NEGR1: variants seen among roughly 807,000 people sequenced by gnomAD.
The protein encoded by NEGR1 is IgLON family member 4.
Under a neutral mutation model 40.9 loss-of-function variants are expected in NEGR1, and 10 were observed. The observed-to-expected ratio is 0.24, with a 90% CI of 0.15 to 0.42. The LOEUF (loss-of-function observed/expected upper bound fraction) is 0.42. Ranked by LOEUF, NEGR1 falls within the 10% of genes least tolerant of loss-of-function variation. The probability of loss-of-function intolerance (pLI) is 1.00; values close to 1 mark genes in which losing one functional copy is unlikely to be tolerated. For missense variants in NEGR1, 352 were observed against 438.9 expected, an observed-to-expected ratio of 0.80 and a Z score of 1.77; for synonymous variants, 185 against 166.8, an observed-to-expected ratio of 1.11 and a Z score of -0.84.
At chr1:71,867,883 A>G (rs1333314045) in intron 2 of NEGR1, among the ~76,000 whole-genome samples, 1 of 152,140 alleles carries the variant, frequency 6.6e-6, no homozygotes, top group African/African-American at 2.4e-5. Flanking sequence ...TTCAAATTTA[A>G]TTTTATTATT....
intron 4 of NEGR1, among the ~76,000 whole-genome samples, chr1:71,677,179 A>T (rs1652669601): frequency 6.6e-6 from 1 of 152,278 alleles, no homozygotes; most frequent in East Asian, 1.9e-4. Flanking sequence ...ATTCTGCCAC[A>T]CATGTTCACA....
chr1:71,782,806 T>C (rs917082814), intron 2 of NEGR1, among the ~76,000 whole-genome samples: 1 of 152,206 alleles, frequency 6.6e-6, no homozygotes, highest in African/African-American at 2.4e-5. Flanking sequence ...TTTCATGGAT[T>C]CTCTGAGTTT....
chr1:72,157,465 T>C (rs1651402396), intron 1 of NEGR1, among the ~76,000 whole-genome samples: 1 of 152,220 alleles, frequency 6.6e-6, no homozygotes, highest in South Asian at 2.1e-4. Context: ...TTCCAGATTC[T>C]GCATTTTGTA....
intron 2 of NEGR1, among the ~76,000 whole-genome samples, chr1:71,907,113 G>C (rs994608799): frequency 6.6e-6 from 1 of 152,118 alleles, no homozygotes; most frequent in African/African-American, 2.4e-5. Context: ...AGCAAAGAGT[G>C]ATTATCAATG....
intron 1 of NEGR1, among the ~76,000 whole-genome samples, chr1:71,941,982 T>A (rs1645963379): frequency 6.6e-6 from 1 of 151,886 alleles, no homozygotes; most frequent in Non-Finnish European, 1.5e-5. Flanking sequence ...TTACACTAAA[T>A]CTTCAGGCCT....
intron 4 of NEGR1, among the ~76,000 whole-genome samples, chr1:71,667,443 T>G (rs924571269): frequency 1.3e-5 from 2 of 152,144 alleles, no homozygotes; most frequent in African/African-American, 4.8e-5. Flanking sequence ...AAAATCAGTG[T>G]TGCAATCTGG....
intron 4 of NEGR1, among the ~76,000 whole-genome samples, chr1:71,670,221 C>A (rs1238641179): frequency 6.6e-6 from 1 of 152,046 alleles, no homozygotes; most frequent in Non-Finnish European, 1.5e-5. Flanking sequence ...AGGGAATATA[C>A]AGTTCTAGTT....
At chr1:71,757,959 AT>A (rs1260892988) in intron 3 of NEGR1, among the ~76,000 whole-genome samples, 1 of 152,056 alleles carries the variant, frequency 6.6e-6, no homozygotes, top group African/African-American at 2.4e-5. Flanking sequence ...AAAGCTCTTA[AT>A]TTTGGATGAG....
intron 1 of NEGR1, among the ~76,000 whole-genome samples, chr1:71,947,322 C>G (rs1222410711): frequency 6.6e-6 from 1 of 151,748 alleles, no homozygotes; most frequent in Non-Finnish European, 1.5e-5. Context: ...ATGAATTCTT[C>G]CTAGATTTTG....
chr1:71,610,192 G>A (rs573771971), intron 5 of NEGR1, among the ~76,000 whole-genome samples: 8 of 152,300 alleles, frequency 5.3e-5, no homozygotes, highest in African/African-American at 1.9e-4. Flanking sequence ...GTACAGTATG[G>A]AATTGCCAAC....
intron 2 of NEGR1, among the ~76,000 whole-genome samples, chr1:71,857,455 T>C (rs974581391): frequency 3.9e-5 from 1 of 25,494 alleles, no homozygotes; most frequent in Non-Finnish European, 8.5e-5. Context: ...CTACAAAAAA[T>C]ACAAAAAAAA....
chr1:71,626,525 A>G (rs1018924456), intron 4 of NEGR1, among the ~76,000 whole-genome samples: 1 of 151,906 alleles, frequency 6.6e-6, no homozygotes, highest in African/African-American at 2.4e-5. Flanking sequence ...GTCCCTACAA[A>G]GGACATGAAC....
intron 1 of NEGR1, among the ~76,000 whole-genome samples, chr1:72,003,725 A>G (rs1267700136): frequency 6.6e-6 from 1 of 152,144 alleles, no homozygotes; most frequent in African/African-American, 2.4e-5. Context: ...TACATAGAAA[A>G]AGCACTTTGA....
rs1211346042 is a variant in NEGR1, at chr1:71,857,155, C to T, written c.409+77924G>A. ...TCAACTTCTGAGAGACTGTAAAAGTCTAATATTGCATTTGAATACAATATA... is the reference window on the plus strand; with the variant it reads ...TCAACTTCTGAGAGACTGTAAAAGTTTAATATTGCATTTGAATACAATATA... On this transcript the variant is annotated intron_variant, in intron 2 of 6. Transcript: ENST00000357731. Among the ~76,000 whole-genome samples the T allele has an allele frequency of 2.6e-5, 4 of 151,896 alleles. No homozygotes were observed. In the East Asian group the frequency reaches 7.8e-4, roughly 29 times the overall value.
At chr1:71,658,376 A>T (rs1423313635) in intron 4 of NEGR1, among the ~76,000 whole-genome samples, 1 of 152,154 alleles carries the variant, frequency 6.6e-6, no homozygotes, top group Non-Finnish European at 1.5e-5. Context: ...GGCAATAACT[A>T]TTGTCGTCCT....
intron 2 of NEGR1, among the ~76,000 whole-genome samples, chr1:71,916,973 G>A (rs1381808816): frequency 6.6e-6 from 1 of 152,120 alleles, no homozygotes; most frequent in Non-Finnish European, 1.5e-5. Flanking sequence ...GGGAGTCTGG[G>A]AAAAAGAGAA....
At chr1:71,837,488 AT>A (rs1486291719) in intron 2 of NEGR1, among the ~76,000 whole-genome samples, 2 of 152,102 alleles carry the variant, frequency 1.3e-5, no homozygotes, top group East Asian at 3.9e-4. Context: ...GTTAAAATAC[AT>A]TTTGTTGATG....
intron 1 of NEGR1, among the ~76,000 whole-genome samples, chr1:72,214,207 A>C (rs1653711714): frequency 6.6e-6 from 1 of 152,040 alleles, no homozygotes; most frequent in Non-Finnish European, 1.5e-5. Flanking sequence ...ATATTGATGG[A>C]ATGTATCTCA....
intron 1 of NEGR1, among the ~76,000 whole-genome samples, chr1:72,090,492 T>C (rs893824719): frequency 6.6e-6 from 1 of 152,124 alleles, no homozygotes; most frequent in African/African-American, 2.4e-5. Context: ...GAATTACCTC[T>C]AACCCACATA....
Sources: gnomAD v4.1 joint callset for allele counts (sites outside exome capture counted in the v4.1 genomes callset) on GRCh38, gnomAD v4.1.1 for gene constraint, MANE v1.5 for transcripts, NCBI Gene and HGNC (gene_info 2026-07-23, HGNC 2026-07-21) for gene names.